Variants in IGF2BP3 observed in about 807,000 individuals in gnomAD.
The protein encoded by IGF2BP3 is insulin like growth factor 2 mRNA binding protein 3, also known as insulin-like growth factor 2 mRNA-binding protein 3.
IGF2BP3 carries 9 observed loss-of-function variants against 73.8 expected under a neutral mutation model. That is an observed-to-expected ratio of 0.12 (90% confidence interval 0.07 to 0.21). IGF2BP3 has a LOEUF of 0.21. Ranked by LOEUF, IGF2BP3 falls within the 10% of genes least tolerant of loss-of-function variation. The pLI is 1.00. For missense variants in IGF2BP3, 542 were observed against 714.0 expected (o/e 0.76, Z 2.75); for synonymous variants, 258 against 256.7 (o/e 1.01, Z -0.05).
intron 10 of IGF2BP3, among the ~76,000 whole-genome samples, chr7:23,333,517 A>C (rs962703128): frequency 3.1e-4 from 47 of 152,256 alleles, no homozygotes; most frequent in Non-Finnish European, 4.8e-4. Context: ...GAGAAATAAC[A>C]AACCCAAAAT....
intron 2 of IGF2BP3, among the ~76,000 whole-genome samples, chr7:23,447,280 T>TAAAC (rs977337519): frequency 6.6e-6 from 1 of 151,238 alleles, no homozygotes; most frequent in Non-Finnish European, 1.5e-5. Flanking sequence ...TTCCACAAAA[T>TAAAC]AAACAAACAA....
chr7:23,312,639 C>T (rs1268077701), intron 14 of IGF2BP3, 96 bp downstream of exon 14: 7 of 996,740 alleles, frequency 7.0e-6, no homozygotes, highest in Non-Finnish European at 9.3e-6. Context: ...TCTTAAGCAT[C>T]AAACAACCTT....
At chr7:23,344,067 T>G (rs1461132317) in intron 8 of IGF2BP3, among the ~76,000 whole-genome samples, 1 of 152,212 alleles carries the variant, frequency 6.6e-6, no homozygotes, top group African/African-American at 2.4e-5. Flanking sequence ...CCTCCCATTT[T>G]CTCAACTAAC....
intron 2 of IGF2BP3, among the ~76,000 whole-genome samples, chr7:23,467,398 A>ATCAGCTT (rs1788589022): frequency 6.6e-6 from 1 of 152,178 alleles, no homozygotes; most frequent in African/African-American, 2.4e-5. Context: ...CCCTGATTTA[A>ATCAGCTT]ATTAACTTTC....
chr7:23,380,154 C>T (rs993030241), intron 3 of IGF2BP3, among the ~76,000 whole-genome samples: 4 of 137,052 alleles, frequency 2.9e-5, no homozygotes, highest in Admixed American at 7.8e-5. Context: ...GCCCACTATG[C>T]CTCTTTTTTT....
At chr7:23,374,503 C>T (rs935303005) in intron 3 of IGF2BP3, among the ~76,000 whole-genome samples, 2 of 152,086 alleles carry the variant, frequency 1.3e-5, no homozygotes, top group Non-Finnish European at 2.9e-5. Flanking sequence ...TAGGAAAGAC[C>T]CCATCTCTAC....
intron 11 of IGF2BP3, among the ~76,000 whole-genome samples, chr7:23,318,056 C>T (rs149763019): frequency 2.0e-5 from 3 of 152,288 alleles, no homozygotes; most frequent in East Asian, 1.9e-4. Context: ...ACACAGCTAA[C>T]AGAGCTAGAG....
intron 8 of IGF2BP3, among the ~76,000 whole-genome samples, chr7:23,345,567 C>T (rs1264227488): frequency 6.6e-6 from 1 of 152,208 alleles, no homozygotes; most frequent in Non-Finnish European, 1.5e-5. Flanking sequence ...CATTCCTAAC[C>T]CACAAAAACT....
chr7:23,469,900 G>C lies in IGF2BP3; in HGVS notation c.175+36C>G. Reference sequence around the variant, plus strand: ...GGCCTGGGCGGGCGGTGCAGGGCTGGGGCGAGAGCCCGGGTGGGGCCAGGC... The same window carrying C: ...GGCCTGGGCGGGCGGTGCAGGGCTGCGGCGAGAGCCCGGGTGGGGCCAGGC... On this transcript the variant is annotated intron_variant, in intron 1 of 14. Transcript: ENST00000258729. The surrounding 1 kb of genome is among the most constrained non-coding windows in gnomAD (Gnocchi z 6.1). 1.3e-6 allele frequency: 2 copies of C among 1,552,836 alleles called. No individual in the cohort carries two copies. Among genetic ancestry groups the C allele is most frequent in the East Asian group, 2.3e-5 (1 of 43,098 alleles).
chr7:23,453,747 C>T (rs895388724), intron 2 of IGF2BP3, among the ~76,000 whole-genome samples: 12 of 152,198 alleles, frequency 7.9e-5, no homozygotes, highest in African/African-American at 2.9e-4. Context: ...ACACCAGATA[C>T]GGCCAATCTT....
At chr7:23,341,328 G>A (rs1341974864) in intron 10 of IGF2BP3, among the ~76,000 whole-genome samples, 1 of 152,042 alleles carries the variant, frequency 6.6e-6, no homozygotes, top group Admixed American at 6.6e-5. Context: ...TTGACTTCAG[G>A]TGACAAAGAT....
At chr7:23,348,268 G>C (rs369307390) in intron 6 of IGF2BP3, among the ~76,000 whole-genome samples, 1 of 152,212 alleles carries the variant, frequency 6.6e-6, no homozygotes, top group African/African-American at 2.4e-5. Context: ...ATGGAACCTG[G>C]ACAGATGGCA....
chr7:23,373,879 G>C (rs984704450), intron 3 of IGF2BP3, among the ~76,000 whole-genome samples: 1 of 152,128 alleles, frequency 6.6e-6, no homozygotes, highest in African/African-American at 2.4e-5. Flanking sequence ...CATGAGATCT[G>C]GTTGTTTTAA....
At position 23,452,945 on chromosome 7, in the gene IGF2BP3, C is replaced by G. The variant is rs189811939; in HGVS notation, c.236+15537G>C. 5.3e-5 allele frequency among the ~76,000 whole-genome samples: 8 copies of G among 152,176 alleles called. No individual in the cohort carries two copies. The East Asian group carries it at 5.8e-4, about 11-fold the overall frequency. ...TGGCCAACATGGTAAAACCCCATCTCTACTAAAAATACAAAAATTAGCTGG... is the reference window on the plus strand; with the variant it reads ...TGGCCAACATGGTAAAACCCCATCTGTACTAAAAATACAAAAATTAGCTGG... On this transcript the variant is annotated intron_variant, in intron 2 of 14. Coordinates refer to ENST00000258729, the MANE Select transcript of IGF2BP3 (RefSeq NM_006547.3).
chr7:23,455,566 T>G (rs1788296164), intron 2 of IGF2BP3, among the ~76,000 whole-genome samples: 1 of 152,210 alleles, frequency 6.6e-6, no homozygotes, highest in Non-Finnish European at 1.5e-5. Context: ...TTAACCCACC[T>G]TTAGGATCAC....
chr7:23,380,809 C>T (rs1785887203), intron 3 of IGF2BP3, among the ~76,000 whole-genome samples: 1 of 152,190 alleles, frequency 6.6e-6, no homozygotes, highest in Admixed American at 6.5e-5. Context: ...CAGCTACAAG[C>T]CAAGGAACAG....
intron 14 of IGF2BP3, 49 bp from the exon 15 acceptor site, chr7:23,312,509 A>C (rs1562662490): frequency 1.6e-6 from 2 of 1,289,504 alleles, no homozygotes; most frequent in Non-Finnish European, 2.3e-6. Flanking sequence ...AAGCTACTAA[A>C]AGTTATTGTA....
chr7:23,466,027 T>TG (rs1554338788), intron 2 of IGF2BP3, among the ~76,000 whole-genome samples: 1 of 151,546 alleles, frequency 6.6e-6, no homozygotes, highest in Non-Finnish European at 1.5e-5. Flanking sequence ...AAAAAAGGTT[T>TG]TTTTTTTTTT....
chr7:23,374,580 G>A (rs1785658712), intron 3 of IGF2BP3, among the ~76,000 whole-genome samples: 1 of 151,216 alleles, frequency 6.6e-6, no homozygotes, highest in Non-Finnish European at 1.5e-5. Flanking sequence ...GGGAGGCTGG[G>A]GTGGTAGGAC....
Sources: allele counts gnomAD v4.1 joint callset (sites outside exome capture counted in the v4.1 genomes callset), GRCh38; gene constraint gnomAD v4.1.1; non-coding constraint Gnocchi (gnomAD v3.1); transcripts MANE v1.5; gene names NCBI Gene and HGNC (gene_info 2026-07-23, HGNC 2026-07-21).